Variants in PARP8 observed in about 807,000 individuals in gnomAD.
The protein encoded by PARP8 is protein mono-ADP-ribosyltransferase PARP8.
A neutral mutation model predicts 124.1 loss-of-function variants in PARP8; 51 were observed. The observed-to-expected ratio is 0.41, with a 90% CI of 0.33 to 0.52. PARP8 has a LOEUF of 0.52. Ranked by LOEUF, PARP8 falls within the 20% of genes least tolerant of loss-of-function variation. PARP8 has a pLI of 0.21. For missense variants in PARP8, 860 were observed against 1,018.9 expected (o/e 0.84, Z 2.12); for synonymous variants, 391 against 361.5 (o/e 1.08, Z -0.93).
intron 14 of PARP8, among the ~76,000 whole-genome samples, chr5:50,813,983 T>TAA (rs906115228): frequency 1.3e-5 from 2 of 152,180 alleles, no homozygotes; most frequent in Admixed American, 6.6e-5. Flanking sequence ...ATGGTTATTC[T>TAA]AAAAGAGTAT....
chr5:50,753,073 TAGAG>T (rs752497424), intron 3 of PARP8, among the ~76,000 whole-genome samples: 4 of 152,062 alleles, frequency 2.6e-5, no homozygotes, highest in Non-Finnish European at 4.4e-5. Context: ...AGTGAAGAAA[TAGAG>T]AGGCCTTGTG....
At chr5:50,719,814 C>A (rs974348774) in intron 2 of PARP8, among the ~76,000 whole-genome samples, 1 of 151,990 alleles carries the variant, frequency 6.6e-6, no homozygotes, top group African/African-American at 2.4e-5. Context: ...ATTTTCACAG[C>A]TTCTCCAGAG....
Position 50,788,520 on chromosome 5 carries a change from C to T in PARP8, c.671-3C>T. 1 of 1,611,734 alleles carries T rather than the reference C, an allele frequency of 6.2e-7. No homozygotes were observed. The highest frequency in any genetic ancestry group is 8.5e-7 in the Non-Finnish European group (1 of 1,178,716). ...TGTGACTGTGATCCTTTTTCCTTTC[C>T]AGTGCCCACTGTTGATGTCTTTCAG... On this transcript the variant is annotated splice_region_variant and splice_polypyrimidine_tract_variant and intron_variant, in intron 9 of 25. Transcript: ENST00000281631.
chr5:50,700,566 G>T (rs1262385212), intron 2 of PARP8, among the ~76,000 whole-genome samples: 5 of 152,160 alleles, frequency 3.3e-5, no homozygotes, highest in African/African-American at 9.7e-5. Context: ...TGAAATTGGA[G>T]ACTTAATTTG....
At chr5:50,802,016 C>A (rs982037893) in intron 14 of PARP8, among the ~76,000 whole-genome samples, 22 of 152,136 alleles carry the variant, frequency 1.4e-4, no homozygotes, top group African/African-American at 5.3e-4. Context: ...TAAAGTGAAT[C>A]TCTTGTTGAT....
At chr5:50,834,714 T>C (rs1394893088) in intron 24 of PARP8, 3 of 549,538 alleles carry the variant, frequency 5.5e-6, no homozygotes, top group Non-Finnish European at 9.8e-6. Context: ...CTTTTTATTG[T>C]TATACCAGTT....
At chr5:50,737,292 A>T (rs1266631165) in intron 2 of PARP8, among the ~76,000 whole-genome samples, 1 of 152,162 alleles carries the variant, frequency 6.6e-6, no homozygotes, top group Admixed American at 6.5e-5. Context: ...ATTATTTTAA[A>T]TATGATACTC....
chr5:50,745,060 AT>A (rs1031628704), intron 2 of PARP8: 1 of 290,940 alleles, frequency 3.4e-6, no homozygotes, highest in Non-Finnish European at 6.4e-6. Flanking sequence ...ACTGATTAGG[AT>A]TTTACAGTCC....
chr5:50,785,383 G>A (rs1176814170), intron 9 of PARP8, among the ~76,000 whole-genome samples: 1 of 151,876 alleles, frequency 6.6e-6, no homozygotes. Flanking sequence ...TGTATCATAC[G>A]CAGTTTTCTC....
intron 2 of PARP8, among the ~76,000 whole-genome samples, chr5:50,687,839 C>T (rs1752039212): frequency 6.6e-6 from 1 of 152,152 alleles, no homozygotes; most frequent in South Asian, 2.1e-4. Context: ...CCCACAGGGT[C>T]CCTCTCACAG....
In PARP8 at chr5:50,819,724, C is replaced by T. The variant is rs573095283; in HGVS notation, c.1669-1489C>T. Among the ~76,000 whole-genome samples, 134 of 152,162 alleles carry T rather than the reference C, an allele frequency of 8.8e-4. 1 individual carries two copies. Among genetic ancestry groups the T allele is most frequent in the Non-Finnish European group, 1.7e-3 (113 of 67,990 alleles). ...CCAAACAAAGTGCTAGGATTACAGG[C>T]GTGAGCCACTGCGCCCAACAAGGCT... is the stretch of plus-strand genomic sequence containing the variant. On this transcript the variant is annotated intron_variant, in intron 15 of 25. Transcript: ENST00000281631.
chr5:50,826,811 G>GT lies in PARP8; in HGVS notation c.1977+22dup, dbSNP rs35290606. The GT allele has an allele frequency of 0.079, 96,681 of 1,221,598 alleles. 81 individuals carry two copies. The highest frequency in any genetic ancestry group is 0.16 in the East Asian group (5,457 of 34,928). 75.7% of individuals were successfully genotyped at this position (1,221,598 alleles called of 1,614,324 possible). On this transcript the variant is annotated intron_variant, in intron 19 of 25. Transcript: ENST00000281631. The stretch of plus-strand genomic sequence containing the variant: ...AAACTGCCAGTTAACAGGGTAAGTT[G>GT]TTTTTTTTTTTTTTACATATGCATA...
chr5:50,788,033 T>A (rs1741469425), intron 9 of PARP8, among the ~76,000 whole-genome samples: 1 of 149,704 alleles, frequency 6.7e-6, no homozygotes, highest in South Asian at 2.1e-4. Flanking sequence ...TCCCATTGTT[T>A]TATTCTAAAA....
intron 17 of PARP8, among the ~76,000 whole-genome samples, chr5:50,823,626 A>G (rs565226174): frequency 6.6e-6 from 1 of 152,334 alleles, no homozygotes; most frequent in East Asian, 1.9e-4. Flanking sequence ...AATCATATAA[A>G]CATTTTTAGT....
At chr5:50,804,630 T>C (rs1028135560) in intron 14 of PARP8, among the ~76,000 whole-genome samples, 1 of 152,172 alleles carries the variant, frequency 6.6e-6, no homozygotes, top group Non-Finnish European at 1.5e-5. Context: ...TTACAAAATA[T>C]AGTAGTAATT....
chr5:50,834,042 T>C lies in PARP8; in HGVS notation c.2371T>C (p.Cys791Arg). The C allele has an allele frequency of 1.2e-6, 2 of 1,611,312 alleles. No homozygotes were observed. Among genetic ancestry groups the C allele is most frequent in the Non-Finnish European group, 1.7e-6 (2 of 1,178,078 alleles). The part of the protein sequence containing the change: ...QSRNLKCIAL[C>R]EVITSSDLHK... ...CCGTAACTTAAAATGCATAGCCTTA[T>C]GTGAAGGTAAGTTGAAAGTTTTACA... Residue 791 changes from cysteine (C) to arginine (R), a missense_variant, in exon 24 of 26, where the codon TGT becomes CGT. Coordinates refer to ENST00000281631, the MANE Select transcript of PARP8 (RefSeq NM_024615.4).
chr5:50,809,456 C>T (rs1744204320), intron 14 of PARP8, among the ~76,000 whole-genome samples: 1 of 152,018 alleles, frequency 6.6e-6, no homozygotes, highest in Non-Finnish European at 1.5e-5. Flanking sequence ...TCATAATATG[C>T]TTCAAAGAAA....
At chr5:50,794,100 ATG>A (rs1382484912) in intron 10 of PARP8, 105 bp from the exon 11 acceptor site, 23 of 1,214,128 alleles carry the variant, frequency 1.9e-5, no homozygotes, top group Non-Finnish European at 2.5e-5. Context: ...ACTGATTTCT[ATG>A]TGTTTGCATT....
intron 7 of PARP8, among the ~76,000 whole-genome samples, chr5:50,768,593 A>G (rs1761284128): frequency 6.6e-6 from 1 of 152,208 alleles, no homozygotes. Flanking sequence ...CAGTGAATAA[A>G]TATAGGCAGC....
Sources: gnomAD v4.1 joint callset for allele counts (sites outside exome capture counted in the v4.1 genomes callset) on GRCh38, gnomAD v4.1.1 for gene constraint, MANE v1.5 for transcripts, NCBI Gene and HGNC (gene_info 2026-07-23, HGNC 2026-07-21) for gene names.